Variants in IRAK3 observed in about 807,000 individuals in gnomAD.
The protein encoded by IRAK3 is interleukin 1 receptor associated kinase 3.
IRAK3 carries 57 observed loss-of-function variants against 56.6 expected under a neutral mutation model. The ratio of observed to expected loss-of-function variants is 1.01; its 90% CI spans 0.81 to 1.26. The LOEUF is 1.26. Ranked by LOEUF, IRAK3 falls within the 50% of genes most tolerant of loss-of-function variation. The pLI, the probability that IRAK3 is intolerant of heterozygous loss-of-function variation, is 0.00. For missense variants in IRAK3, 703 were observed against 719.0 expected, an observed-to-expected ratio of 0.98 and a Z score of 0.25; for synonymous variants, 258 against 255.7, an observed-to-expected ratio of 1.01 and a Z score of -0.09.
Position 66,249,864 on chromosome 12 carries a change from TC to T in IRAK3, c.*1695del, listed in dbSNP as rs1275710442. On this transcript the variant is annotated 3_prime_UTR_variant, in exon 12 of 12. Coordinates refer to ENST00000261233, the MANE Select transcript of IRAK3 (RefSeq NM_007199.3). ...GCCAGGAAAATCTCTGTGTCTCAGA[TC>T]CTTAATTTAATTACACCTGCAAAGT... 6.6e-6 allele frequency: 1 copy of T among 152,208 alleles called. No individual in the cohort carries two copies. Among genetic ancestry groups the T allele is most frequent in the Non-Finnish European group, 1.5e-5 (1 of 68,040 alleles). 9.4% of individuals were successfully genotyped at this position (152,208 alleles called of 1,614,324 possible). A position where few individuals can be genotyped will look rare whatever the true frequency, so the allele number is the denominator to read the frequency against.
intron 6 of IRAK3, among the ~76,000 whole-genome samples, chr12:66,224,416 A>T (rs1161893789): frequency 6.6e-6 from 1 of 152,202 alleles, no homozygotes; most frequent in Non-Finnish European, 1.5e-5. Flanking sequence ...AAGATGAGGA[A>T]ATACAGAGCA....
chr12:66,203,647 C>T (rs779958814), intron 1 of IRAK3, 64 bp from the exon 2 acceptor site: 19 of 1,430,360 alleles, frequency 1.3e-5, no homozygotes, highest in South Asian at 2.3e-5. Context: ...ATTAGGTACA[C>T]AAAAACAAGT....
At chr12:66,193,580 G>A (rs1016466747) in intron 1 of IRAK3, among the ~76,000 whole-genome samples, 3 of 152,168 alleles carry the variant, frequency 2.0e-5, no homozygotes, top group African/African-American at 4.8e-5. Context: ...TTTATTTGTC[G>A]TATCCTCTGG....
intron 6 of IRAK3, among the ~76,000 whole-genome samples, chr12:66,223,411 G>A (rs1007609606): frequency 4.6e-5 from 7 of 151,982 alleles, no homozygotes; most frequent in African/African-American, 1.7e-4. Context: ...TGTAATCCCA[G>A]CACTTTGGGA....
chr12:66,191,538 C>T (rs774888453), intron 1 of IRAK3, among the ~76,000 whole-genome samples: 6 of 152,194 alleles, frequency 3.9e-5, no homozygotes, highest in African/African-American at 9.7e-5. Flanking sequence ...CTCCATGATA[C>T]TTCAGCTGTA....
intron 11 of IRAK3, 81 bp downstream of exon 11, chr12:66,245,343 T>C: frequency 7.1e-7 from 1 of 1,416,714 alleles, no homozygotes; most frequent in East Asian, 2.3e-5. Flanking sequence ...TGTATCTAAG[T>C]GAATTATTTG....
rs979787885 is a variant in IRAK3 at position 66,226,852 on chromosome 12, T to C, written c.768+15T>C. Reference sequence around the variant, plus strand: ...TGCAGTGTGTAGTAAGTTCTATCTATTATTCTGTCTGATCCTCTGACCCCT... The same window carrying C: ...TGCAGTGTGTAGTAAGTTCTATCTACTATTCTGTCTGATCCTCTGACCCCT... On this transcript the variant is annotated intron_variant, in intron 7 of 11. Transcript: ENST00000261233. The C allele has an allele frequency of 3.6e-6, 5 of 1,399,888 alleles. No homozygotes were observed. Among genetic ancestry groups the C allele is most frequent in the Non-Finnish European group, 4.1e-6 (4 of 984,748 alleles). The allele number at this position is 1,399,888 out of a possible 1,614,324, so 86.7% of individuals were successfully genotyped here.
rs115293698 is a variant in IRAK3 at position 66,201,125 on chromosome 12, G to A, written c.134-2586G>A. Among the ~76,000 whole-genome samples, 519 of 152,268 alleles carry A rather than the reference G, an allele frequency of 3.4e-3. 5 individuals carry two copies. Among genetic ancestry groups the A allele is most frequent in the African/African-American group, 0.012 (510 of 41,558 alleles). On this transcript the variant is annotated intron_variant, in intron 1 of 11. Coordinates refer to ENST00000261233, the MANE Select transcript of IRAK3 (RefSeq NM_007199.3). ...AGCCACCACGCCTGGACCCAAAACA[G>A]ACTTTTAACAGAAGAAAGTTTCACA...
chr12:66,218,816 C>T (rs2052702724), intron 6 of IRAK3, among the ~76,000 whole-genome samples: 1 of 152,180 alleles, frequency 6.6e-6, no homozygotes, highest in Non-Finnish European at 1.5e-5. Context: ...CTTTGACCAA[C>T]ATCTGTCTAT....
chr12:66,222,226 TA>T (rs2052741410), intron 6 of IRAK3, among the ~76,000 whole-genome samples: 1 of 152,220 alleles, frequency 6.6e-6, no homozygotes, highest in South Asian at 2.1e-4. Context: ...TTTAATTTTT[TA>T]AAAGATTTTG....
chr12:66,223,955 T>G (rs1465912099), intron 6 of IRAK3, among the ~76,000 whole-genome samples: 1 of 152,106 alleles, frequency 6.6e-6, no homozygotes, highest in African/African-American at 2.4e-5. Flanking sequence ...GATCCATTTA[T>G]TTGTCTGGTG....
intron 5 of IRAK3, among the ~76,000 whole-genome samples, chr12:66,212,166 G>C (rs934325557): frequency 3.3e-5 from 5 of 151,802 alleles, no homozygotes; most frequent in Non-Finnish European, 7.4e-5. Flanking sequence ...AAGAGGGTCA[G>C]GTAGTGCTAG....
intron 5 of IRAK3, among the ~76,000 whole-genome samples, chr12:66,214,495 C>T (rs1034799437): frequency 2.0e-5 from 3 of 151,984 alleles, no homozygotes; most frequent in Non-Finnish European, 2.9e-5. Flanking sequence ...GAGCCAAGAT[C>T]ACGCCACTGC....
chr12:66,225,732 T>A (rs900080277), intron 6 of IRAK3, among the ~76,000 whole-genome samples: 1 of 151,292 alleles, frequency 6.6e-6, no homozygotes, highest in Non-Finnish European at 1.5e-5. Flanking sequence ...AATAAGCTAA[T>A]AAATAATTAT....
intron 8 of IRAK3, among the ~76,000 whole-genome samples, chr12:66,230,728 A>G (rs774103622): frequency 2.2e-4 from 33 of 151,958 alleles, no homozygotes; most frequent in Non-Finnish European, 3.5e-4. Context: ...ATGGTGGGAG[A>G]GTGCACCATG....
rs1402443874 is a variant in IRAK3 at position 66,249,848 on chromosome 12, ATC to A, written c.*1681_*1682del. 8 of 152,168 alleles carry A rather than the reference ATC, an allele frequency of 5.3e-5. No individual in the cohort carries two copies. Among genetic ancestry groups the A allele is most frequent in the African/African-American group, 1.9e-4 (8 of 41,428 alleles). 9.4% of individuals were successfully genotyped at this position (152,168 alleles called of 1,614,324 possible). A position where few individuals can be genotyped will look rare whatever the true frequency, so the allele number is the denominator to read the frequency against. On this transcript the variant is annotated 3_prime_UTR_variant, in exon 12 of 12. Coordinates refer to ENST00000261233, the MANE Select transcript of IRAK3 (RefSeq NM_007199.3). ...GGGCCCACTCATATAAGCCAGGAAA[ATC>A]TCTGTGTCTCAGATCCTTAATTTAA...
intron 2 of IRAK3, among the ~76,000 whole-genome samples, chr12:66,205,467 G>C (rs2052549518): frequency 6.6e-6 from 1 of 152,146 alleles, no homozygotes; most frequent in African/African-American, 2.4e-5. Context: ...TGATTGAGTT[G>C]ATGTTTCAAA....
At chr12:66,202,669 G>T (rs927882368) in intron 1 of IRAK3, among the ~76,000 whole-genome samples, 1 of 151,920 alleles carries the variant, frequency 6.6e-6, no homozygotes, top group Non-Finnish European at 1.5e-5. Context: ...GCATGGTGGT[G>T]CAGTGCACAC....
At chr12:66,196,699 A>T (rs998032542) in intron 1 of IRAK3, 5 of 181,774 alleles carry the variant, frequency 2.8e-5, no homozygotes. Context: ...AAATATATTA[A>T]CTAGTAAGTG....
Sources: gnomAD v4.1 joint callset for allele counts (sites outside exome capture counted in the v4.1 genomes callset) on GRCh38, gnomAD v4.1.1 for gene constraint, MANE v1.5 for transcripts, NCBI Gene and HGNC (gene_info 2026-07-23, HGNC 2026-07-21) for gene names.